ZNF385D: variants seen among roughly 807,000 people sequenced by gnomAD.
ZNF385D encodes zinc finger protein 385D, also known as zinc finger protein 659.
In ZNF385D, 15 loss-of-function variants were observed where a neutral mutation model predicts 35.8. That is an observed-to-expected ratio of 0.42 (90% CI 0.28 to 0.64). The LOEUF (loss-of-function observed/expected upper bound fraction) is 0.64. Among genes scored for constraint, ZNF385D ranks in the 30% least tolerant of loss-of-function variants. The pLI is 0.23. For synonymous variants in ZNF385D, 212 were observed against 186.8 expected (o/e 1.13, Z -1.10); for missense variants, 474 against 494.6 (o/e 0.96, Z 0.39).
chr3:21,594,603 A>G (rs540108408), intron 2 of ZNF385D, among the ~76,000 whole-genome samples: 15 of 152,296 alleles, frequency 9.8e-5, no homozygotes, highest in African/African-American at 3.4e-4. Context: ...GATGGTGTCA[A>G]CTAAAGGCCC....
chr3:21,607,235 T>TA (rs2064509956), intron 2 of ZNF385D, among the ~76,000 whole-genome samples: 1 of 152,142 alleles, frequency 6.6e-6, no homozygotes, highest in South Asian at 2.1e-4. Context: ...TCATCTATAA[T>TA]AAAAAATGAT....
At chr3:22,028,584 G>A (rs1442763735) in intron 3 of ZNF385D, among the ~76,000 whole-genome samples, 1 of 152,194 alleles carries the variant, frequency 6.6e-6, no homozygotes, top group Non-Finnish European at 1.5e-5. Context: ...GTCCTCACTG[G>A]AGTGGACATT....
At chr3:21,585,647 C>T (rs2063787587) in intron 2 of ZNF385D, among the ~76,000 whole-genome samples, 1 of 152,258 alleles carries the variant, frequency 6.6e-6, no homozygotes, top group African/African-American at 2.4e-5. Flanking sequence ...AAAAACAAAT[C>T]GTGGATCAAG....
chr3:22,035,102 C>T lies in ZNF385D; in HGVS notation c.325+133715G>A, dbSNP rs138270395. ...GAACATTGAATAAAGTAACATTATC[C>T]TACATTTGGGTATCAATGAACTAGA... On this transcript the variant is annotated intron_variant, in intron 3 of 5. Coordinates refer to the ZNF385D transcript ENST00000494108. Among the ~76,000 whole-genome samples the T allele has an allele frequency of 3.7e-3, 562 of 152,176 alleles. 1 individual carries two copies. Among genetic ancestry groups the T allele is most frequent in the Non-Finnish European group, 6.0e-3 (411 of 67,986 alleles).
chr3:21,910,706 C>T (rs1341433833), intron 3 of ZNF385D, among the ~76,000 whole-genome samples: 1 of 151,336 alleles, frequency 6.6e-6, no homozygotes, highest in Non-Finnish European at 1.5e-5. Flanking sequence ...TAAAAAGTAA[C>T]ATGCATGGGC....
At chr3:21,757,225 G>T (rs12715019) in intron 3 of ZNF385D, among the ~76,000 whole-genome samples, 2 of 147,988 alleles carry the variant, frequency 1.4e-5, no homozygotes, top group Non-Finnish European at 3.0e-5. Context: ...TCTGCCTCCT[G>T]GGTTCAAGCG....
chr3:21,572,892 T>C (rs745514574), intron 2 of ZNF385D, among the ~76,000 whole-genome samples: 9 of 152,162 alleles, frequency 5.9e-5, no homozygotes, highest in Non-Finnish European at 1.2e-4. Flanking sequence ...GCACTGCCCA[T>C]AAGGACTTAT....
intron 3 of ZNF385D, among the ~76,000 whole-genome samples, chr3:22,058,670 ATTTGT>A (rs1699538824): frequency 1.3e-5 from 2 of 152,368 alleles, no homozygotes; most frequent in South Asian, 2.1e-4. Flanking sequence ...GGACATTACC[ATTTGT>A]TTTGTTTATA....
intron 2 of ZNF385D, among the ~76,000 whole-genome samples, chr3:21,599,497 A>G (rs1426942814): frequency 2.0e-5 from 3 of 152,196 alleles, no homozygotes; most frequent in African/African-American, 7.2e-5. Flanking sequence ...AATAGCTACT[A>G]TTATTGAAAA....
intron 5 of ZNF385D, among the ~76,000 whole-genome samples, chr3:21,435,255 A>ATTT (rs3064965): frequency 0.16 from 17,808 of 113,116 alleles, 1,744 homozygotes; most frequent in East Asian, 0.27. Flanking sequence ...ACAACTCCCA[A>ATTT]TTTTTTTTTT....
At chr3:21,511,381 C>T (rs1707187306) in intron 3 of ZNF385D, among the ~76,000 whole-genome samples, 1 of 152,050 alleles carries the variant, frequency 6.6e-6, no homozygotes, top group Admixed American at 6.6e-5. Context: ...TAACAAGAGC[C>T]CTAGAAAAGA....
chr3:21,802,544 T>C (rs931778461), intron 3 of ZNF385D, among the ~76,000 whole-genome samples: 2 of 142,350 alleles, frequency 1.4e-5, no homozygotes, highest in Non-Finnish European at 3.2e-5. Context: ...AGAATGGATC[T>C]ACATTGATTT....
chr3:21,859,266 G>GC (rs1347819737), intron 3 of ZNF385D, among the ~76,000 whole-genome samples: 1 of 152,020 alleles, frequency 6.6e-6, no homozygotes, highest in East Asian at 1.9e-4. Context: ...TTTATACCCT[G>GC]CCCGCAGATT....
chr3:22,020,595 G>C (rs1229411401), intron 3 of ZNF385D, among the ~76,000 whole-genome samples: 1 of 151,992 alleles, frequency 6.6e-6, no homozygotes, highest in East Asian at 1.9e-4. Context: ...ATGCCCATCA[G>C]TAAGGCTATT....
intron 1 of ZNF385D, among the ~76,000 whole-genome samples, chr3:21,667,939 G>C (rs1034620764): frequency 2.6e-5 from 4 of 152,082 alleles, no homozygotes; most frequent in African/African-American, 9.7e-5. Flanking sequence ...AACCTTCAAA[G>C]AAGAGTCATA....
At chr3:22,125,227 G>A (rs897337601) in intron 3 of ZNF385D, among the ~76,000 whole-genome samples, 3 of 152,046 alleles carry the variant, frequency 2.0e-5, no homozygotes, top group African/African-American at 4.8e-5. Context: ...TTCATTGTAG[G>A]TGTATAAATT....
At chr3:22,058,067 AC>A (rs1162622758) in intron 3 of ZNF385D, among the ~76,000 whole-genome samples, 2 of 152,036 alleles carry the variant, frequency 1.3e-5, no homozygotes, top group Non-Finnish European at 2.9e-5. Flanking sequence ...GGCTATACAC[AC>A]CCTTCTAGGC....
chr3:22,317,675 C>T (rs1494223), intron 2 of ZNF385D, among the ~76,000 whole-genome samples: 86,919 of 152,004 alleles, frequency 0.57, 25,713 homozygotes, highest in African/African-American at 0.71. Flanking sequence ...TCTGTTCCTA[C>T]TGGGTAATAA....
chr3:22,027,497 A>ATG (rs1697634171), intron 3 of ZNF385D, among the ~76,000 whole-genome samples: 1 of 152,126 alleles, frequency 6.6e-6, no homozygotes, highest in African/African-American at 2.4e-5. Flanking sequence ...AGGATTTTGG[A>ATG]GCAAGGTCCT....
Sources: gnomAD v4.1 joint callset for allele counts (sites outside exome capture counted in the v4.1 genomes callset) on GRCh38, gnomAD v4.1.1 for gene constraint, MANE v1.5 for transcripts, NCBI Gene and HGNC (gene_info 2026-07-23, HGNC 2026-07-21) for gene names.